MAP2: variants seen among roughly 807,000 people sequenced by gnomAD.
MAP2 encodes microtubule associated protein 2.
A neutral mutation model predicts 137.6 loss-of-function variants in MAP2; 14 were observed. That is an observed-to-expected ratio of 0.10 (90% confidence interval 0.07 to 0.16). The LOEUF (loss-of-function observed/expected upper bound fraction) is 0.16, where lower values mean the gene tolerates loss of function less well. Ranked by LOEUF, MAP2 falls within the 10% of genes least tolerant of loss-of-function variation. MAP2 has a pLI of 1.00. For synonymous variants in MAP2, 786 were observed against 782.3 expected (o/e 1.00, Z -0.08); for missense variants, 2,088 against 2,191.5 (o/e 0.95, Z 0.94).
chr2:209,714,765 T>C (rs1341935027), intron 13 of MAP2, among the ~76,000 whole-genome samples: 29 of 152,230 alleles, frequency 1.9e-4, no homozygotes, highest in Non-Finnish European at 2.9e-5. Context: ...ACAGAAGTTC[T>C]CACATTACCT....
chr2:209,698,608 C>G (rs1273693826), intron 10 of MAP2, among the ~76,000 whole-genome samples: 1 of 152,094 alleles, frequency 6.6e-6, no homozygotes, highest in Admixed American at 6.6e-5. Context: ...CATGTGCTTT[C>G]CTTCAAAAAC....
At chr2:209,697,317 G>T (rs2060457837) in intron 10 of MAP2, among the ~76,000 whole-genome samples, 1 of 152,094 alleles carries the variant, frequency 6.6e-6, no homozygotes, top group South Asian at 2.1e-4. Context: ...ACGTTCTGGG[G>T]ATTCCTATTT....
chr2:209,647,258 C>G (rs1166232828), intron 4 of MAP2, among the ~76,000 whole-genome samples: 2 of 152,134 alleles, frequency 1.3e-5, no homozygotes, highest in East Asian at 3.9e-4. Flanking sequence ...CCAACACTGG[C>G]AATTACATTT....
intron 11 of MAP2, among the ~76,000 whole-genome samples, chr2:209,702,138 T>C (rs935593107): frequency 6.6e-6 from 1 of 152,062 alleles, no homozygotes; most frequent in Admixed American, 6.6e-5. Context: ...GTCTGACCTT[T>C]CCTCCTTTAG....
intron 2 of MAP2, among the ~76,000 whole-genome samples, chr2:209,543,181 AAG>A (rs1483060747): frequency 6.6e-6 from 1 of 152,124 alleles, no homozygotes; most frequent in East Asian, 1.9e-4. Flanking sequence ...GAAACCTAAG[AAG>A]AGAGAGAGAG....
intron 7 of MAP2, among the ~76,000 whole-genome samples, chr2:209,682,181 C>T (rs1487601847): frequency 6.6e-6 from 1 of 152,114 alleles, no homozygotes; most frequent in Non-Finnish European, 1.5e-5. Context: ...TGAGTATATA[C>T]TAGTGAACAA....
At chr2:209,637,753 A>G (rs112324046) in intron 4 of MAP2, among the ~76,000 whole-genome samples, 69 of 152,288 alleles carry the variant, frequency 4.5e-4, no homozygotes, top group African/African-American at 1.5e-3. Context: ...TGTTAGGTTT[A>G]ATAGAAGATT....
chr2:209,532,701 G>A (rs1371650011), intron 2 of MAP2, among the ~76,000 whole-genome samples: 1 of 152,160 alleles, frequency 6.6e-6, no homozygotes, highest in African/African-American at 2.4e-5. Flanking sequence ...TCCTTTTAAA[G>A]CTGGCCTCTT....
At chr2:209,582,322 C>T (rs1339902696) in intron 3 of MAP2, among the ~76,000 whole-genome samples, 2 of 151,678 alleles carry the variant, frequency 1.3e-5, no homozygotes, top group African/African-American at 4.8e-5. Context: ...AGTGACAAAC[C>T]ATGTATAGAA....
chr2:209,668,485 A>T (rs564644407), intron 5 of MAP2, among the ~76,000 whole-genome samples: 2 of 152,176 alleles, frequency 1.3e-5, no homozygotes, highest in South Asian at 4.1e-4. Flanking sequence ...AATGTATTTA[A>T]TAATATTTTC....
At chr2:209,534,987 C>G (rs368018034) in intron 2 of MAP2, among the ~76,000 whole-genome samples, 7 of 139,268 alleles carry the variant, frequency 5.0e-5, no homozygotes, top group Non-Finnish European at 9.5e-5. Context: ...GATATGTGCA[C>G]CATTGCCACA....
intron 2 of MAP2, among the ~76,000 whole-genome samples, chr2:209,571,477 A>G (rs1303543830): frequency 2.0e-5 from 3 of 151,930 alleles, no homozygotes; most frequent in African/African-American, 4.8e-5. Context: ...CTTTCACTAG[A>G]TATTGCCAAA....
intron 4 of MAP2, among the ~76,000 whole-genome samples, chr2:209,629,758 A>AGAGGGATCTCTCAT (rs1349032920): frequency 6.6e-6 from 1 of 152,178 alleles, no homozygotes; most frequent in Non-Finnish European, 1.5e-5. Flanking sequence ...GAGGTTTTGA[A>AGAGGGATCTCTCAT]GAGGGATCTC....
intron 2 of MAP2, among the ~76,000 whole-genome samples, chr2:209,565,813 A>G (rs2073280596): frequency 6.6e-6 from 1 of 152,180 alleles, no homozygotes; most frequent in African/African-American, 2.4e-5. Flanking sequence ...TTAACTCTTA[A>G]TACAAAGGTC....
At chr2:209,598,448 T>C (rs564555225) in intron 3 of MAP2, among the ~76,000 whole-genome samples, 297 of 151,724 alleles carry the variant, frequency 2.0e-3, no homozygotes, top group Non-Finnish European at 3.5e-3. Flanking sequence ...TTTTATTTTA[T>C]TTTTATTTTA....
Position 209,696,367 on chromosome 2 carries a change from T to C in MAP2, c.4180+17T>C. ...ACACTCAAGGTGTGCATTATTATTA[T>C]TATTATTTTAACTCAAACACAATAA... On this transcript the variant is annotated intron_variant, in intron 8 of 15. Coordinates refer to ENST00000682079, the MANE Select transcript of MAP2 (RefSeq NM_001375505.1). 1.3e-6 allele frequency: 2 copies of C among 1,526,374 alleles called. No individual in the cohort carries two copies. The highest frequency in any genetic ancestry group is 1.7e-6 in the Non-Finnish European group (2 of 1,143,992). 94.6% of individuals were successfully genotyped at this position (1,526,374 alleles called of 1,614,324 possible). A position where few individuals can be genotyped will look rare whatever the true frequency, so the allele number is the denominator to read the frequency against.
At position 209,508,584 on chromosome 2, in the gene MAP2, CCACACACACA is replaced by C. The variant is rs56195417; in HGVS notation, c.-172+962_-172+971del. ...GACACACAGACACACTCTCTCTGTC[CCACACACACA>C]CACACACACACACACACAGAGATGA... On this transcript the variant is annotated intron_variant, in intron 2 of 15. Coordinates refer to ENST00000682079, the MANE Select transcript of MAP2 (RefSeq NM_001375505.1). Among the ~76,000 whole-genome samples, 34 of 145,992 alleles carry C rather than the reference CCACACACACA, an allele frequency of 2.3e-4. No homozygotes were observed. The East Asian group carries it at 5.8e-3, about 25-fold the overall frequency.
Position 209,710,120 on chromosome 2 carries a change from A to G in MAP2, c.4939A>G (p.Ile1647Val). ...GCCGAGTGAGAAGAAGGTCGCCATC[A>G]TACGTACTCCTCCAAAATCTCCTGC... The part of the protein sequence containing the change: ...LVPSEKKVAI[I>V]RTPPKSPATP... Residue 1647 changes from isoleucine to valine, a missense_variant, in exon 13 of 16, where the codon ATA (isoleucine) becomes GTA (valine). Coordinates refer to ENST00000682079, the MANE Select transcript of MAP2 (RefSeq NM_001375505.1). 6.2e-7 allele frequency: 1 copy of G among 1,614,054 alleles called. No individual in the cohort carries two copies. The highest frequency in any genetic ancestry group is 2.2e-5 in the East Asian group (1 of 44,858).
At chr2:209,559,505 G>T (rs1325486784) in intron 2 of MAP2, among the ~76,000 whole-genome samples, 1 of 104,274 alleles carries the variant, frequency 9.6e-6, no homozygotes, top group South Asian at 3.1e-4. Context: ...AAAAAAAAAA[G>T]CCGGGTGTGG....
Sources: allele counts gnomAD v4.1 joint callset (sites outside exome capture counted in the v4.1 genomes callset), GRCh38; gene constraint gnomAD v4.1.1; transcripts MANE v1.5; gene names NCBI Gene and HGNC (gene_info 2026-07-23, HGNC 2026-07-21).